The following CNTNAP2 variants were observed in gnomAD, a reference collection of about 807,000 sequenced individuals.
CNTNAP2 encodes contactin-associated protein-like 2.
Under a neutral mutation model 155.2 loss-of-function variants are expected in CNTNAP2, and 98 were observed. The observed-to-expected ratio is 0.63, with a 90% CI of 0.54 to 0.75. CNTNAP2 has a LOEUF of 0.75. CNTNAP2 is among the 30% of genes least tolerant of loss of function. The probability of loss-of-function intolerance (pLI) is 0.00; values close to 1 mark genes in which losing one functional copy is unlikely to be tolerated. For missense variants in CNTNAP2, 1,727 were observed against 1,688.1 expected (o/e 1.02, Z -0.40); for synonymous variants, 651 against 631.2 (o/e 1.03, Z -0.47).
intron 17 of CNTNAP2, among the ~76,000 whole-genome samples, chr7:148,166,459 CTTTA>C (rs1805661264): frequency 6.6e-6 from 1 of 150,802 alleles, no homozygotes; most frequent in African/African-American, 2.4e-5. Flanking sequence ...CAACTTAGCT[CTTTA>C]TTAAGTTCTG....
chr7:147,286,008 G>T (rs1276931838), intron 8 of CNTNAP2, among the ~76,000 whole-genome samples: 2 of 151,950 alleles, frequency 1.3e-5, no homozygotes, highest in Non-Finnish European at 2.9e-5. Flanking sequence ...TTATAAATAT[G>T]TACATAAAGC....
intron 8 of CNTNAP2, among the ~76,000 whole-genome samples, chr7:147,225,963 GGAA>G (rs911841107): frequency 1.8e-3 from 278 of 151,096 alleles, no homozygotes; most frequent in African/African-American, 6.5e-3. Flanking sequence ...AAGAGAGAAA[GGAA>G]GAAAGAGAGA....
At chr7:147,716,341 A>G (rs181120156) in intron 13 of CNTNAP2, among the ~76,000 whole-genome samples, 45 of 152,262 alleles carry the variant, frequency 3.0e-4, no homozygotes, top group African/African-American at 1.1e-3. Context: ...ACGGTTCTGG[A>G]AAAATGGGTT....
chr7:147,940,205 C>A (rs1038879420), intron 14 of CNTNAP2: 1 of 147,960 alleles, frequency 6.8e-6, no homozygotes. Flanking sequence ...AAGTGAGAAA[C>A]GGAGCAGGTC....
chr7:147,413,031 A>G (rs1347059250), intron 10 of CNTNAP2, among the ~76,000 whole-genome samples: 1 of 152,210 alleles, frequency 6.6e-6, no homozygotes, highest in African/African-American at 2.4e-5. Context: ...ACTCGTGTCA[A>G]CTCATTCATT....
At chr7:147,345,199 G>T (rs1262984581) in intron 9 of CNTNAP2, among the ~76,000 whole-genome samples, 2 of 151,972 alleles carry the variant, frequency 1.3e-5, no homozygotes, top group African/African-American at 2.4e-5. Flanking sequence ...AATGAAAACT[G>T]GTATATTCTG....
At chr7:147,363,925 A>G (rs764349050) in intron 9 of CNTNAP2, among the ~76,000 whole-genome samples, 1 of 152,294 alleles carries the variant, frequency 6.6e-6, no homozygotes, top group African/African-American at 2.4e-5. Context: ...TTTGTGTTAT[A>G]TAGACCTCGC....
At position 147,313,085 on chromosome 7, in the gene CNTNAP2, C is replaced by G. The variant is rs1228027611; in HGVS notation, c.1498+12795C>G. Among the ~76,000 whole-genome samples, 14 of 125,096 alleles carry G rather than the reference C, an allele frequency of 1.1e-4. 1 individual carries two copies. In the East Asian group the frequency reaches 4.9e-3, roughly 44 times the overall value. The allele number at this position is 125,096 out of a possible 152,430, so 82.1% of individuals were successfully genotyped here. A position where few individuals can be genotyped will look rare whatever the true frequency, so the allele number is the denominator to read the frequency against. ...CTTTTGAGAAGTGTCTGTTCATGTC[C>G]TTCGCCCACTTTTTGATGGGGTTGT... On this transcript the variant is annotated intron_variant, in intron 9 of 23. Coordinates refer to ENST00000361727, the MANE Select transcript of CNTNAP2 (RefSeq NM_014141.6).
intron 8 of CNTNAP2, among the ~76,000 whole-genome samples, chr7:147,158,802 A>G (rs924596490): frequency 6.6e-6 from 1 of 152,104 alleles, no homozygotes; most frequent in Non-Finnish European, 1.5e-5. Context: ...CCATGCACCA[A>G]GCAATACACT....
intron 13 of CNTNAP2, among the ~76,000 whole-genome samples, chr7:147,848,460 C>G (rs1238922262): frequency 2.7e-5 from 4 of 150,842 alleles, no homozygotes; most frequent in Non-Finnish European, 3.0e-5. Flanking sequence ...TCGGCTCGCA[C>G]ACGGTGCGCA....
At chr7:146,866,753 T>A in intron 3 of CNTNAP2, among the ~76,000 whole-genome samples, 1 of 152,132 alleles carries the variant, frequency 6.6e-6, no homozygotes, top group Non-Finnish European at 1.5e-5. Flanking sequence ...ACATTATTTG[T>A]AATAGAGCAG....
intron 17 of CNTNAP2, among the ~76,000 whole-genome samples, chr7:148,163,872 T>C (rs1450535634): frequency 6.6e-6 from 1 of 152,244 alleles, no homozygotes; most frequent in Non-Finnish European, 1.5e-5. Context: ...CTGTTCTCAG[T>C]TCAACCAGAT....
At chr7:146,351,191 TA>T (rs921257976) in intron 1 of CNTNAP2, among the ~76,000 whole-genome samples, 1 of 151,186 alleles carries the variant, frequency 6.6e-6, no homozygotes, top group Non-Finnish European at 1.5e-5. Flanking sequence ...ATAATAAAAT[TA>T]AAAAAAATTT....
chr7:146,451,805 C>T (rs6945145), intron 1 of CNTNAP2, among the ~76,000 whole-genome samples: 1 of 144,876 alleles, frequency 6.9e-6, no homozygotes, highest in Non-Finnish European at 1.5e-5. Flanking sequence ...AATAAGGTCT[C>T]TTCTATATAT....
At chr7:146,290,576 C>T (rs576957826) in intron 1 of CNTNAP2, among the ~76,000 whole-genome samples, 2 of 152,108 alleles carry the variant, frequency 1.3e-5, no homozygotes, top group Admixed American at 6.5e-5. Flanking sequence ...TGAACTAAAA[C>T]GTAAGATGTT....
chr7:148,313,710 G>A (rs1002774697), intron 21 of CNTNAP2, among the ~76,000 whole-genome samples: 1 of 152,188 alleles, frequency 6.6e-6, no homozygotes, highest in African/African-American at 2.4e-5. Flanking sequence ...ATTAAGTCCT[G>A]TTGTGGGGTC....
intron 1 of CNTNAP2, among the ~76,000 whole-genome samples, chr7:146,175,162 T>C (rs889778670): frequency 6.6e-6 from 1 of 152,166 alleles, no homozygotes; most frequent in South Asian, 2.1e-4. Context: ...TGGTCAGTAG[T>C]AATAATGGTA....
chr7:146,723,129 G>A (rs1801368041), intron 1 of CNTNAP2, among the ~76,000 whole-genome samples: 1 of 152,158 alleles, frequency 6.6e-6, no homozygotes, highest in South Asian at 2.1e-4. Flanking sequence ...GATGGGTGTT[G>A]GGGTAGGCAC....
chr7:146,259,080 C>T (rs915984109), intron 1 of CNTNAP2, among the ~76,000 whole-genome samples: 2 of 152,066 alleles, frequency 1.3e-5, no homozygotes, highest in Non-Finnish European at 2.9e-5. Context: ...GTGGAAGTTT[C>T]CCCTGCACGC....
Sources: gnomAD v4.1 joint callset for allele counts (sites outside exome capture counted in the v4.1 genomes callset) on GRCh38, gnomAD v4.1.1 for gene constraint, MANE v1.5 for transcripts, NCBI Gene and HGNC (gene_info 2026-07-23, HGNC 2026-07-21) for gene names.